TOMM40: variants seen among roughly 807,000 people sequenced by gnomAD.
TOMM40 encodes the protein mitochondrial import receptor subunit TOM40 homolog.
TOMM40 carries 9 observed loss-of-function variants against 38.4 expected under a neutral mutation model. That is an observed-to-expected ratio of 0.23 (90% CI 0.14 to 0.41). TOMM40 has a LOEUF of 0.41. Ranked by LOEUF, TOMM40 falls within the 10% of genes least tolerant of loss-of-function variation. The pLI is 1.00. For missense variants in TOMM40, 299 were observed against 486.5 expected (o/e 0.61, Z 3.63); for synonymous variants, 184 against 210.0 (o/e 0.88, Z 1.07).
At chr19:44,893,336 C>T (rs1202977974) in intron 3 of TOMM40, among the ~76,000 whole-genome samples, 3 of 152,152 alleles carry the variant, frequency 2.0e-5, no homozygotes, top group African/African-American at 7.2e-5. Context: ...CTGTAGAAAT[C>T]TCTGGGGCAT....
chr19:44,893,947 C>G lies in TOMM40; in HGVS notation c.538-14C>G, dbSNP rs541036852. 48 of 1,590,814 alleles carry G rather than the reference C, an allele frequency of 3.0e-5. No homozygotes were observed. Among genetic ancestry groups the G allele is most frequent in the Admixed American group, 1.5e-4 (9 of 58,352 alleles). On this transcript the variant is annotated splice_polypyrimidine_tract_variant and intron_variant, in intron 4 of 8. Transcript: ENST00000426677. ...TGAGCAGGGAGCCGCCCTCACACCC[C>G]CTCCTCTCCACAGACCCAGCAGTCG...
Position 44,903,269 on chromosome 19 carries a change from C to T in TOMM40, c.*100C>T. The stretch of plus-strand genomic sequence containing the variant: ...ACCTGAGCCCCCCTCCCTTCCCTCC[C>T]CCCTTGGGGGTCGGGGGGGACATTG... On this transcript the variant is annotated 3_prime_UTR_variant, in exon 9 of 9. Transcript: ENST00000426677. 2.3e-6 allele frequency: 3 copies of T among 1,281,826 alleles called. No homozygotes were observed. Among genetic ancestry groups the T allele is most frequent in the East Asian group, 2.6e-5 (1 of 38,444 alleles). 79.4% of individuals were successfully genotyped at this position (1,281,826 alleles called of 1,614,324 possible).
At position 44,903,492 on chromosome 19, in the gene TOMM40, G is replaced by A. The variant is rs1969723847; in HGVS notation, c.*323G>A. On this transcript the variant is annotated 3_prime_UTR_variant, in exon 9 of 9. Coordinates refer to ENST00000426677, the MANE Select transcript of TOMM40 (RefSeq NM_001128917.2). Reference sequence around the variant, plus strand: ...CAACCTCAGGGAGGAGTGTCCTGGCGTCCCCATCCTCCAAAGGGCCTGGGC... The same window carrying A: ...CAACCTCAGGGAGGAGTGTCCTGGCATCCCCATCCTCCAAAGGGCCTGGGC... The A allele has an allele frequency of 1.1e-5, 3 of 273,076 alleles. No individual in the cohort carries two copies. The highest frequency in any genetic ancestry group is 1.0e-4 in the East Asian group (1 of 9,714). 16.9% of individuals were successfully genotyped at this position (273,076 alleles called of 1,614,324 possible).
rs377601831 is a variant in TOMM40, at chr19:44,900,714, G to A, written c.644-16G>A. On this transcript the variant is annotated splice_polypyrimidine_tract_variant and intron_variant, in intron 5 of 8. Coordinates refer to ENST00000426677, the MANE Select transcript of TOMM40 (RefSeq NM_001128917.2). The stretch of plus-strand genomic sequence containing the variant: ...CACTCAGGGTGGGTGGAAACTGATC[G>A]TCATTTTGCCCACAGGAATCCTCGT... 2.5e-4 allele frequency: 411 copies of A among 1,612,026 alleles called. No individual in the cohort carries two copies. The highest frequency in any genetic ancestry group is 3.0e-4 in the Non-Finnish European group (352 of 1,179,842).
chr19:44,898,471 C>T lies in TOMM40; in HGVS notation c.644-2259C>T, dbSNP rs142608750. Among the ~76,000 whole-genome samples, 21 of 150,090 alleles carry T rather than the reference C, an allele frequency of 1.4e-4. 1 individual carries two copies. In the East Asian group the frequency reaches 4.1e-3, roughly 29 times the overall value. On this transcript the variant is annotated intron_variant, in intron 5 of 8. Transcript: ENST00000426677. Reference sequence around the variant, plus strand: ...TTTCTCAACTGTGAATCTTCAGTCCCTCTTCCCCCTTCATTTCTGTCTCTG... The same window carrying T: ...TTTCTCAACTGTGAATCTTCAGTCCTTCTTCCCCCTTCATTTCTGTCTCTG...
At chr19:44,902,755 A>G (rs1033292928) in intron 8 of TOMM40, 1 of 349,656 alleles carries the variant, frequency 2.9e-6, no homozygotes, top group Middle Eastern at 8.1e-4. Flanking sequence ...TGAGAGGAAC[A>G]GATTCATCCG....
At position 44,901,110 on chromosome 19, in the gene TOMM40, TG is replaced by T; in HGVS notation, c.843+9del. ...ACCACAAAGCCAGTGACCAGGTGAG[TG>T]GGTGCAGGGACTAGCTGGTGCTGCC... On this transcript the variant is annotated splice_region_variant and intron_variant, in intron 7 of 8. Coordinates refer to ENST00000426677, the MANE Select transcript of TOMM40 (RefSeq NM_001128917.2). 6.2e-7 allele frequency: 1 copy of T among 1,614,094 alleles called. No homozygotes were observed. The highest frequency in any genetic ancestry group is 1.1e-5 in the South Asian group (1 of 91,084).
intron 6 of TOMM40, 62 bp from the exon 7 acceptor site, chr19:44,900,966 G>T: frequency 6.2e-7 from 1 of 1,611,050 alleles, no homozygotes; most frequent in African/African-American, 1.3e-5. Flanking sequence ...AGGAGGCCTG[G>T]GTTCCCAGAT....
Position 44,891,685 on chromosome 19 carries a change from C to A in TOMM40, c.270C>A (p.Cys90Ter). Residue 90 changes from cysteine to a stop codon, truncating the protein, a stop_gained, in exon 1 of 9, where the codon TGC becomes TGA. Coordinates refer to ENST00000426677, the MANE Select transcript of TOMM40 (RefSeq NM_001128917.2). LOFTEE classifies it high-confidence loss of function. ...CATTCGAGGAGTGCCACCGGAAGTG[C>A]AAGGGTGAGGGGCGAGGGGCCCCCG... ...PGTFEECHRK[C>*]KELFPIQMEG... is the part of the protein sequence containing the mutation. The A allele has an allele frequency of 6.8e-7, 1 of 1,473,150 alleles. No homozygotes were observed. Among genetic ancestry groups the A allele is most frequent in the Non-Finnish European group, 9.0e-7 (1 of 1,116,406 alleles). The allele number at this position is 1,473,150 out of a possible 1,614,324, so 91.3% of individuals were successfully genotyped here.
At chr19:44,902,051 C>G (rs1004929210) in intron 8 of TOMM40, 1 of 152,076 alleles carries the variant, frequency 6.6e-6, no homozygotes, top group Non-Finnish European at 1.5e-5. Flanking sequence ...GACTGCACCA[C>G]TGCACTCCAG....
Position 44,894,074 on chromosome 19 carries a change from G to A in TOMM40, c.643+8G>A, listed in dbSNP as rs1969519783. 1 of 1,500,508 alleles carries A rather than the reference G, an allele frequency of 6.7e-7. No homozygotes were observed. The highest frequency in any genetic ancestry group is 8.9e-7 in the Non-Finnish European group (1 of 1,123,770). 92.9% of individuals were successfully genotyped at this position (1,500,508 alleles called of 1,614,324 possible). ...ACGTCCTCGTGGGTTCAGGTAAGAG[G>A]CGGAGGGCTTGGAGGGTGGTCACAA... On this transcript the variant is annotated splice_region_variant and intron_variant, in intron 5 of 8. Coordinates refer to ENST00000426677, the MANE Select transcript of TOMM40 (RefSeq NM_001128917.2).
At position 44,891,284 on chromosome 19, in the gene TOMM40, G is replaced by T; in HGVS notation, c.-132G>T. 1 of 1,177,644 alleles carries T rather than the reference G, an allele frequency of 8.5e-7. No individual in the cohort carries two copies. Among genetic ancestry groups the T allele is most frequent in the Non-Finnish European group, 1.1e-6 (1 of 945,776 alleles). The allele number at this position is 1,177,644 out of a possible 1,614,324, so 72.9% of individuals were successfully genotyped here. A position where few individuals can be genotyped will look rare whatever the true frequency, so the allele number is the denominator to read the frequency against. Reference sequence around the variant, plus strand: ...GCGCGTGGCGCACGGGGTGGGAGCGGAGCCCAGGCCGGGAGCAGGCGCCGC... The same window carrying T: ...GCGCGTGGCGCACGGGGTGGGAGCGTAGCCCAGGCCGGGAGCAGGCGCCGC... On this transcript the variant is annotated 5_prime_UTR_variant, in exon 1 of 9. Coordinates refer to ENST00000426677, the MANE Select transcript of TOMM40 (RefSeq NM_001128917.2).
chr19:44,902,913 C>G, intron 8 of TOMM40, 117 bp from the exon 9 acceptor site: 2 of 1,311,652 alleles, frequency 1.5e-6, no homozygotes, highest in Non-Finnish European at 2.1e-6. Flanking sequence ...GTGGCAGGAG[C>G]AGTGTGGTTA....
intron 5 of TOMM40, among the ~76,000 whole-genome samples, chr19:44,895,694 G>A (rs750857699): frequency 1.3e-5 from 2 of 151,918 alleles, no homozygotes; most frequent in Non-Finnish European, 2.9e-5. Context: ...CTACAGGCGC[G>A]CGCCACCATG....
intron 5 of TOMM40, among the ~76,000 whole-genome samples, chr19:44,895,920 C>T (rs555244009): frequency 4.9e-4 from 74 of 152,300 alleles, no homozygotes; most frequent in Non-Finnish European, 7.9e-4. Context: ...CACACTCTGT[C>T]CCTGCTGCAT....
intron 5 of TOMM40, among the ~76,000 whole-genome samples, chr19:44,898,148 C>G (rs183423762): frequency 1.3e-5 from 2 of 152,186 alleles, no homozygotes; most frequent in East Asian, 3.9e-4. Flanking sequence ...TAACACTCAG[C>G]CCCTCTGAGA....
At chr19:44,899,460 A>C (rs1324683018) in intron 5 of TOMM40, among the ~76,000 whole-genome samples, 1 of 151,968 alleles carries the variant, frequency 6.6e-6, no homozygotes, top group African/African-American at 2.4e-5. Flanking sequence ...CCACCCCCTT[A>C]GTACCTGGGA....
In TOMM40 at chr19:44,901,012, C is replaced by T. The variant is rs368261459; in HGVS notation, c.767-16C>T. 9.4e-5 allele frequency: 152 copies of T among 1,613,846 alleles called. No individual in the cohort carries two copies. The highest frequency in any genetic ancestry group is 1.1e-4 in the Non-Finnish European group (131 of 1,179,970). On this transcript the variant is annotated splice_polypyrimidine_tract_variant and intron_variant, in intron 6 of 8. Transcript: ENST00000426677. ...CCTTGGTAATGAGACCCCGCCTCCA[C>T]CCCACTCTCTGACAGTGAACAACTG...
chr19:44,892,382 C>G lies in TOMM40; in HGVS notation c.275-11C>G. 1.9e-6 allele frequency: 3 copies of G among 1,613,900 alleles called. No homozygotes were observed. Among genetic ancestry groups the G allele is most frequent in the East Asian group, 2.2e-5 (1 of 44,888 alleles). ...GTTGGAGTGGAGTGTGACAGCGTTT[C>G]TCTTCTCCAGAGCTGTTTCCCATTC... On this transcript the variant is annotated splice_polypyrimidine_tract_variant and intron_variant, in intron 1 of 8. Coordinates refer to ENST00000426677, the MANE Select transcript of TOMM40 (RefSeq NM_001128917.2).
Sources: gnomAD v4.1 joint callset for allele counts (sites outside exome capture counted in the v4.1 genomes callset) on GRCh38, gnomAD v4.1.1 for gene constraint, MANE v1.5 for transcripts, NCBI Gene and HGNC (gene_info 2026-07-23, HGNC 2026-07-21) for gene names.